VPS54: variants seen among roughly 807,000 people sequenced by gnomAD.
The protein encoded by VPS54 is vacuolar protein sorting-associated protein 54.
VPS54 carries 45 observed loss-of-function variants against 121.5 expected under a neutral mutation model. That is an observed-to-expected ratio of 0.37 (90% CI 0.29 to 0.47). The LOEUF (loss-of-function observed/expected upper bound fraction) is 0.47, where lower values mean the gene tolerates loss of function less well. Ranked by LOEUF, VPS54 falls within the 20% of genes least tolerant of loss-of-function variation. The pLI is 0.99. For synonymous variants in VPS54, 371 were observed against 385.8 expected, an observed-to-expected ratio of 0.96 and a Z score of 0.45; for missense variants, 1,090 against 1,131.4, an observed-to-expected ratio of 0.96 and a Z score of 0.52.
intron 1 of VPS54, among the ~76,000 whole-genome samples, chr2:64,008,482 T>G (rs1299718010): frequency 6.7e-6 from 1 of 149,846 alleles, no homozygotes; most frequent in East Asian, 2.0e-4. Context: ...CACACAGGAA[T>G]GGGGCGAGAG....
chr2:63,913,262 G>C lies in VPS54; in HGVS notation c.2383C>G (p.Gln795Glu). The C allele has an allele frequency of 6.2e-7, 1 of 1,610,882 alleles. No individual in the cohort carries two copies. The highest frequency in any genetic ancestry group is 1.3e-5 in the African/African-American group (1 of 74,826). Reference protein sequence around the residue: ...CQLVLGAGALQVVGLKTITTK... With the variant: ...CQLVLGAGALEVVGLKTITTK... The stretch of plus-strand genomic sequence containing the variant: ...GTTATCGTTTTTAGTCCAACAACTT[G>C]CAGTGCACCAGCTCCAAGAACTAAC... The change falls in exon 18 of 23, where the codon CAA becomes GAA. Residue 795 changes from glutamine to glutamate, a missense_variant. Transcript: ENST00000272322.
intron 1 of VPS54, among the ~76,000 whole-genome samples, chr2:64,015,546 G>A (rs1040959915): frequency 2.0e-5 from 3 of 152,146 alleles, no homozygotes; most frequent in East Asian, 3.8e-4. Context: ...TCTTGCAGAA[G>A]TATGTCCTGT....
In VPS54 at chr2:63,916,970, A is replaced by G. The variant is rs763355191; in HGVS notation, c.2165-7T>C. 1.2e-6 allele frequency: 2 copies of G among 1,613,386 alleles called. No homozygotes were observed. The highest frequency in any genetic ancestry group is 1.7e-5 in the Admixed American group (1 of 60,014). On this transcript the variant is annotated splice_polypyrimidine_tract_variant and splice_region_variant and intron_variant, in intron 15 of 22. Coordinates refer to ENST00000272322, the MANE Select transcript of VPS54 (RefSeq NM_016516.3). The stretch of plus-strand genomic sequence containing the variant: ...GGTTTCCTTTCTTCTGTGGCTACAG[A>G]GTTAAGCAAATAAACGAGAGACAAG...
chr2:63,912,569 T>A lies in VPS54; in HGVS notation c.2515A>T (p.Met839Leu), dbSNP rs1673196904. The A allele has an allele frequency of 1.2e-6, 2 of 1,609,662 alleles. No homozygotes were observed. Among genetic ancestry groups the A allele is most frequent in the Admixed American group, 1.7e-5 (1 of 58,476 alleles). Residue 839 changes from methionine to leucine, a missense_variant, in exon 19 of 23, where the codon ATG becomes TTG. Around this residue, in one of 2 missense-constraint regions of VPS54, gnomAD observed 289 missense variants for 374.4 expected, o/e 0.77. Transcript: ENST00000272322. ...EARLPPKQYS[M>L]LRHFDHITKD... ...GTGATATGATCAAAATGCCTAAGCATGCTATATTGCTTAGGTGGTAGTCGA... is the reference window on the plus strand; with the variant it reads ...GTGATATGATCAAAATGCCTAAGCAAGCTATATTGCTTAGGTGGTAGTCGA...
chr2:63,946,093 T>C (rs532285921), intron 9 of VPS54, among the ~76,000 whole-genome samples: 8 of 152,260 alleles, frequency 5.3e-5, no homozygotes, highest in African/African-American at 2.4e-5. Context: ...TTTTAAACCA[T>C]AGAATAATTT....
At chr2:63,924,306 T>C (rs962487565) in intron 12 of VPS54, among the ~76,000 whole-genome samples, 7 of 152,224 alleles carry the variant, frequency 4.6e-5, no homozygotes, top group African/African-American at 1.4e-4. Context: ...GACATAGTCA[T>C]GTAATTATTC....
intron 1 of VPS54, among the ~76,000 whole-genome samples, chr2:64,017,082 C>A (rs1678737133): frequency 2.0e-5 from 3 of 147,452 alleles, no homozygotes; most frequent in Non-Finnish European, 3.0e-5. Context: ...TGGCTCACAC[C>A]TCTAATCCCA....
At chr2:63,913,972 T>C (rs1673265541) in intron 17 of VPS54, 1 of 1,298,870 alleles carries the variant, frequency 7.7e-7, no homozygotes, top group Non-Finnish European at 1.0e-6. Context: ...AACAACTCTA[T>C]GGGTGAATGA....
At chr2:63,920,106 G>T in intron 14 of VPS54, 111 bp from the exon 15 acceptor site, 1 of 816,246 alleles carries the variant, frequency 1.2e-6, no homozygotes, top group Non-Finnish European at 1.9e-6. Flanking sequence ...CTTAAAAAGT[G>T]CTGAACACTT....
intron 12 of VPS54, among the ~76,000 whole-genome samples, chr2:63,923,034 TGG>T (rs374970324): frequency 7.8e-4 from 119 of 152,128 alleles, no homozygotes; most frequent in South Asian, 1.7e-3. Context: ...TTTTTGGGGC[TGG>T]GGCGCGGTGG....
chr2:63,934,664 T>TA (rs939321837), intron 11 of VPS54, among the ~76,000 whole-genome samples: 3 of 151,088 alleles, frequency 2.0e-5, no homozygotes, highest in African/African-American at 4.9e-5. Flanking sequence ...CCAGTTTTTG[T>TA]AAAAAAATAA....
In VPS54 at chr2:63,932,661, A is replaced by G. The variant is rs561477566; in HGVS notation, c.1739+1012T>C. 1.5e-3 allele frequency among the ~76,000 whole-genome samples: 225 copies of G among 152,168 alleles called. 9 individuals carry two copies. In the South Asian group the frequency reaches 0.045, roughly 31 times the overall value. ...CCCAGAACTTAAAGTATAAAAAAAA[A>G]AAAACAGAAAAAGAAGTAATAATAA... On this transcript the variant is annotated intron_variant, in intron 12 of 22. Transcript: ENST00000272322.
At chr2:63,952,512 T>A (rs1240809972) in intron 7 of VPS54, among the ~76,000 whole-genome samples, 1 of 152,174 alleles carries the variant, frequency 6.6e-6, no homozygotes, top group African/African-American at 2.4e-5. Context: ...CTAAGAAAGA[T>A]GAGATATAAC....
chr2:63,977,620 C>G (rs758860159), intron 3 of VPS54, among the ~76,000 whole-genome samples: 3 of 152,208 alleles, frequency 2.0e-5, no homozygotes, highest in Non-Finnish European at 4.4e-5. Context: ...TCCATGTTTT[C>G]CACTACAGCC....
intron 15 of VPS54, among the ~76,000 whole-genome samples, chr2:63,918,944 T>C (rs1244419136): frequency 1.3e-5 from 2 of 152,070 alleles, no homozygotes; most frequent in Non-Finnish European, 2.9e-5. Flanking sequence ...ATCAAACTAA[T>C]GGTTACTGTT....
At chr2:63,948,940 T>G in intron 8 of VPS54, 97 bp downstream of exon 8, 1 of 1,469,544 alleles carries the variant, frequency 6.8e-7, no homozygotes, top group Non-Finnish European at 9.1e-7. Flanking sequence ...CCTTGAAATT[T>G]AAGATAATTT....
chr2:63,914,232 T>C lies in VPS54; in HGVS notation c.2284A>G (p.Ile762Val), dbSNP rs377371852. The change falls in exon 17 of 23, where the codon ATC becomes GTC. Residue 762 changes from isoleucine (I) to valine (V), a missense_variant. Physicochemically the swap from Ile to Val is conservative, Grantham distance 29. This residue lies in a region of VPS54 where 289 missense variants were observed against 374.4 expected (regional missense o/e 0.77). Coordinates refer to ENST00000272322, the MANE Select transcript of VPS54 (RefSeq NM_016516.3). The stretch of plus-strand genomic sequence containing the variant: ...AGCATGTCAGTAGTAACAGATGGGA[T>C]GTTATCCACACACTGGCAATATTCA... Reference protein sequence around the residue: ...ILEYCQCVDNIPSVTTDMLTR... With the variant: ...ILEYCQCVDNVPSVTTDMLTR... 29 of 1,613,728 alleles carry C rather than the reference T, an allele frequency of 1.8e-5. 1 individual carries two copies. In the South Asian group the frequency reaches 2.0e-4, roughly 11 times the overall value.
At chr2:63,933,417 T>C (rs1240560613) in intron 12 of VPS54, among the ~76,000 whole-genome samples, 3 of 152,292 alleles carry the variant, frequency 2.0e-5, no homozygotes, top group East Asian at 3.9e-4. Flanking sequence ...ACCTTATCAC[T>C]GAAATGAGGG....
At chr2:63,989,152 ATCTT>A (rs1677196379) in intron 1 of VPS54, among the ~76,000 whole-genome samples, 1 of 152,128 alleles carries the variant, frequency 6.6e-6, no homozygotes, top group African/African-American at 2.4e-5. Flanking sequence ...CAGACCGGCT[ATCTT>A]CTCTCAAACC....
Sources: allele counts gnomAD v4.1 joint callset (sites outside exome capture counted in the v4.1 genomes callset), GRCh38; gene constraint gnomAD v4.1.1; regional missense constraint gnomAD v4.1.1; transcripts MANE v1.5; gene names NCBI Gene and HGNC (gene_info 2026-07-23, HGNC 2026-07-21).